Variants in CDK7 observed in about 807,000 individuals in gnomAD.
CDK7 encodes cyclin dependent kinase 7, also known as cyclin-dependent kinase 7.
A neutral mutation model predicts 49.1 loss-of-function variants in CDK7; 25 were observed. The observed-to-expected ratio is 0.51, with a 90% CI of 0.37 to 0.71. The LOEUF is 0.71. CDK7 is among the 30% of genes least tolerant of loss of function. The pLI, the probability that CDK7 is intolerant of heterozygous loss-of-function variation, is 0.00. For synonymous variants in CDK7, 107 were observed against 140.0 expected (o/e 0.76, Z 1.67); for missense variants, 316 against 411.7 (o/e 0.77, Z 2.01).
intron 2 of CDK7, among the ~76,000 whole-genome samples, chr5:69,239,894 T>C (rs1225449691): frequency 1.3e-5 from 2 of 149,324 alleles, no homozygotes; most frequent in Non-Finnish European, 3.0e-5. Context: ...TTTTTTTCAA[T>C]AGAGACAGGG....
intron 2 of CDK7, among the ~76,000 whole-genome samples, chr5:69,239,716 A>AT (rs1350789783): frequency 2.0e-5 from 3 of 152,018 alleles, no homozygotes; most frequent in African/African-American, 7.2e-5. Context: ...GAATTTGTTA[A>AT]TTTTTTTGAA....
chr5:69,247,194 G>A (rs570411181), intron 2 of CDK7, among the ~76,000 whole-genome samples: 1 of 152,294 alleles, frequency 6.6e-6, no homozygotes, highest in African/African-American at 2.4e-5. Flanking sequence ...AAGTGGGGGT[G>A]TTGAAGCCTC....
rs1752146915 is a variant in CDK7 at position 69,276,436 on chromosome 5, C to T, written c.865-107C>T. The T allele has an allele frequency of 4.4e-6, 4 of 904,788 alleles. No homozygotes were observed. The East Asian group carries it at 7.6e-5, about 17-fold the overall frequency. 56.0% of individuals were successfully genotyped at this position (904,788 alleles called of 1,614,324 possible). On this transcript the variant is annotated intron_variant, in intron 10 of 11. Coordinates refer to ENST00000256443, the MANE Select transcript of CDK7 (RefSeq NM_001799.4). ...AATTTTGTTTTGTTGGGAATGAGGG[C>T]ATTCACATAGTATTTTTAATGCTCC...
intron 8 of CDK7, among the ~76,000 whole-genome samples, chr5:69,268,640 CAG>C (rs1217015802): frequency 6.9e-6 from 1 of 144,412 alleles, no homozygotes; most frequent in African/African-American, 2.6e-5. Context: ...ATCACAATGT[CAG>C]GAGATCGAGA....
At chr5:69,256,266 A>G (rs1750483358) in intron 5 of CDK7, among the ~76,000 whole-genome samples, 3 of 152,198 alleles carry the variant, frequency 2.0e-5, no homozygotes, top group Non-Finnish European at 4.4e-5. Flanking sequence ...TCAGCTTTAC[A>G]AATTATATTA....
chr5:69,265,625 C>G (rs1458314069), intron 8 of CDK7, among the ~76,000 whole-genome samples: 1 of 152,026 alleles, frequency 6.6e-6, no homozygotes, highest in Non-Finnish European at 1.5e-5. Context: ...AAATTTACAT[C>G]TAGGCCAGGC....
chr5:69,253,992 C>T (rs1750317299), intron 3 of CDK7, among the ~76,000 whole-genome samples: 1 of 151,956 alleles, frequency 6.6e-6, no homozygotes, highest in South Asian at 2.1e-4. Context: ...CCCAGCTACT[C>T]GGGAGGCTGA....
chr5:69,269,314 T>C, intron 9 of CDK7, 21 bp downstream of exon 9: 1 of 1,549,778 alleles, frequency 6.5e-7, no homozygotes, highest in African/African-American at 1.4e-5. Context: ...ATGCATTTTC[T>C]TTGAAATGTA....
At chr5:69,264,404 G>A (rs1376018510) in intron 8 of CDK7, among the ~76,000 whole-genome samples, 1 of 152,144 alleles carries the variant, frequency 6.6e-6, no homozygotes, top group Non-Finnish European at 1.5e-5. Context: ...AGATGGCTAG[G>A]CACAGTGGTA....
rs370420699 is a variant in CDK7, at chr5:69,244,210, TG to T, written c.127-8205del. ...TAATTTTATTTGTAGCTGTTGTGAATGGGATTACTTTCTTGATTTCTTTTTC... is the reference window on the plus strand; with the variant it reads ...TAATTTTATTTGTAGCTGTTGTGAATGGATTACTTTCTTGATTTCTTTTTC... On this transcript the variant is annotated intron_variant, in intron 2 of 11. Transcript: ENST00000256443. Among the ~76,000 whole-genome samples, 248 of 152,328 alleles carry T rather than the reference TG, an allele frequency of 1.6e-3. 1 individual carries two copies. The highest frequency in any genetic ancestry group is 5.1e-3 in the African/African-American group (210 of 41,566).
At chr5:69,248,802 C>CTTTTTTTTTTTTTTTTTTTT (rs70992911) in intron 2 of CDK7, among the ~76,000 whole-genome samples, 16 of 92,264 alleles carry the variant, frequency 1.7e-4, no homozygotes, top group African/African-American at 1.8e-4. Context: ...TTTTTTTTTT[C>CTTTTTTTTTTTTTTTTTTTT]TTTTTTTTTT....
Position 69,235,156 on chromosome 5 carries a change from G to T in CDK7, c.66+115G>T, listed in dbSNP as rs373925839. ...TCTGGCTTGGCTGCTCGTTCTCGTT[G>T]GGGGAAACCGTCCAGACGCACTTGC... On this transcript the variant is annotated intron_variant, in intron 1 of 11. Transcript: ENST00000256443. 3.4e-4 allele frequency: 349 copies of T among 1,017,358 alleles called. No individual in the cohort carries two copies. In the African/African-American group the frequency reaches 5.0e-3, roughly 15 times the overall value. The allele number at this position is 1,017,358 out of a possible 1,614,324, so 63.0% of individuals were successfully genotyped here. A position where few individuals can be genotyped will look rare whatever the true frequency, so the allele number is the denominator to read the frequency against.
At chr5:69,273,491 C>T (rs1011290165) in intron 10 of CDK7, among the ~76,000 whole-genome samples, 1 of 152,062 alleles carries the variant, frequency 6.6e-6, no homozygotes, top group African/African-American at 2.4e-5. Context: ...TGATCATTCT[C>T]ACATTGAGAA....
chr5:69,238,663 AT>A (rs200607900), intron 2 of CDK7, among the ~76,000 whole-genome samples: 42 of 142,180 alleles, frequency 3.0e-4, no homozygotes, highest in South Asian at 8.9e-4. Context: ...TTTTTATTTT[AT>A]TTTTTTTTTT....
intron 8 of CDK7, among the ~76,000 whole-genome samples, chr5:69,264,860 C>T (rs1485693741): frequency 1.3e-5 from 2 of 152,076 alleles, no homozygotes; most frequent in Non-Finnish European, 2.9e-5. Context: ...ATCCCAGCTA[C>T]TCAGGAGGCT....
intron 5 of CDK7, chr5:69,255,865 C>G: frequency 3.8e-6 from 1 of 260,478 alleles, no homozygotes; most frequent in Admixed American, 5.1e-5. Flanking sequence ...GTCTGTTCAC[C>G]CAGCCTGGAG....
intron 10 of CDK7, among the ~76,000 whole-genome samples, chr5:69,275,673 A>C (rs1475893512): frequency 6.6e-6 from 1 of 152,202 alleles, no homozygotes. Context: ...AATTAAAAAT[A>C]TTTTATAAAA....
At chr5:69,266,245 C>T (rs1373622618) in intron 8 of CDK7, among the ~76,000 whole-genome samples, 1 of 152,154 alleles carries the variant, frequency 6.6e-6, no homozygotes, top group Non-Finnish European at 1.5e-5. Flanking sequence ...AGGAGAAAAA[C>T]AGAACCGAAA....
chr5:69,262,585 C>G (rs1402409749), intron 8 of CDK7, among the ~76,000 whole-genome samples: 1 of 150,566 alleles, frequency 6.6e-6, no homozygotes, highest in African/African-American at 2.4e-5. Context: ...AGGAGAATCG[C>G]TTGAACCTGG....
Sources: gnomAD v4.1 joint callset for allele counts (sites outside exome capture counted in the v4.1 genomes callset) on GRCh38, gnomAD v4.1.1 for gene constraint, MANE v1.5 for transcripts, NCBI Gene and HGNC (gene_info 2026-07-23, HGNC 2026-07-21) for gene names.